DENR: variants seen among roughly 807,000 people sequenced by gnomAD.
DENR encodes density-regulated protein.
Under a neutral mutation model 30.6 loss-of-function variants are expected in DENR, and 6 were observed. The ratio of observed to expected loss-of-function variants is 0.20; its 90% confidence interval spans 0.11 to 0.39. DENR has a LOEUF of 0.39. Ranked by LOEUF, DENR falls within the 10% of genes least tolerant of loss-of-function variation. The pLI, the probability that DENR is intolerant of heterozygous loss-of-function variation, is 1.00. For synonymous variants in DENR, 78 were observed against 72.1 expected (o/e 1.08, Z -0.41); for missense variants, 141 against 230.9 (o/e 0.61, Z 2.52).
chr12:122,768,952 G>C, intron 7 of DENR, 31 bp downstream of exon 7: 1 of 1,603,394 alleles, frequency 6.2e-7, no homozygotes, highest in South Asian at 1.1e-5. Flanking sequence ...CATCGCTAGA[G>C]ATAAGTTTTT....
intron 4 of DENR, among the ~76,000 whole-genome samples, chr12:122,764,581 C>G (rs960392561): frequency 6.6e-6 from 1 of 152,164 alleles, no homozygotes; most frequent in Non-Finnish European, 1.5e-5. Context: ...GCCTGGATAA[C>G]AGAGGGAGAC....
At chr12:122,768,737 CA>C (rs1410001763) in intron 6 of DENR, 44 bp from the exon 7 acceptor site, 1 of 1,472,300 alleles carries the variant, frequency 6.8e-7, no homozygotes, top group East Asian at 2.5e-5. Context: ...CATCTTTGCA[CA>C]ATTCCAATTA....
intron 2 of DENR, among the ~76,000 whole-genome samples, chr12:122,756,954 AAAAT>A (rs1422060050): frequency 3.3e-5 from 5 of 152,304 alleles, no homozygotes; most frequent in Admixed American, 1.3e-4. Flanking sequence ...GAGAGGTTGA[AAAAT>A]AAATTATGGT....
rs546297359 is a variant in DENR at position 122,754,569 on chromosome 12, G to T, written c.106+762G>T. ...AGTGATGTTTTAGGTGCTGGGGCCTGAGTAGTGAATAAGTCAGAAGATCCT... is the reference window on the plus strand; with the variant it reads ...AGTGATGTTTTAGGTGCTGGGGCCTTAGTAGTGAATAAGTCAGAAGATCCT... On this transcript the variant is annotated intron_variant, in intron 2 of 7. Transcript: ENST00000280557. Among the ~76,000 whole-genome samples, 4 of 152,310 alleles carry T rather than the reference G, an allele frequency of 2.6e-5. No homozygotes were observed. In the East Asian group the frequency reaches 7.7e-4, roughly 29 times the overall value.
chr12:122,760,955 A>T (rs1378307361), intron 2 of DENR, among the ~76,000 whole-genome samples: 1 of 152,026 alleles, frequency 6.6e-6, no homozygotes, highest in Non-Finnish European at 1.5e-5. Context: ...CTCTACAAAA[A>T]TAAAAAACTT....
In DENR at chr12:122,770,871, C is replaced by G. The variant is rs770229659; in HGVS notation, c.*1793C>G. 11 of 395,910 alleles carry G rather than the reference C, an allele frequency of 2.8e-5. No individual in the cohort carries two copies. The highest frequency in any genetic ancestry group is 4.4e-5 in the Admixed American group (1 of 22,570). 24.5% of individuals were successfully genotyped at this position (395,910 alleles called of 1,614,324 possible). On this transcript the variant is annotated 3_prime_UTR_variant, in exon 8 of 8. Coordinates refer to ENST00000280557, the MANE Select transcript of DENR (RefSeq NM_003677.5). ...TTACTGGTGAAGCAGATTTATCCAT[C>G]GAGACTATCTGGTATGCGTTATGTA...
intron 3 of DENR, among the ~76,000 whole-genome samples, 159 bp downstream of exon 3, chr12:122,762,365 T>A (rs968040986): frequency 2.6e-5 from 4 of 152,182 alleles, no homozygotes; most frequent in African/African-American, 9.6e-5. Flanking sequence ...TTTTTGGTCT[T>A]ATATATTCTT....
intron 2 of DENR, chr12:122,754,122 G>A (rs993572519): frequency 2.9e-6 from 1 of 350,242 alleles, no homozygotes; most frequent in African/African-American, 2.1e-5. Flanking sequence ...AAGATTATGA[G>A]TTAAGGATGG....
At chr12:122,753,917 TTGTACTGGGGGAGAGG>T (rs771012466) in intron 2 of DENR, 110 bp downstream of exon 2, 96 of 931,944 alleles carry the variant, frequency 1.0e-4, no homozygotes, top group Non-Finnish European at 1.5e-4. Flanking sequence ...TTTGGTGAGT[TTGTACTGGGGGAGAGG>T]AGTCCTGGGG....
intron 4 of DENR, among the ~76,000 whole-genome samples, chr12:122,763,570 G>A (rs1483010775): frequency 4.0e-5 from 6 of 151,810 alleles, no homozygotes; most frequent in Non-Finnish European, 8.8e-5. Context: ...GCGTGGTGGC[G>A]CATGCCTGTA....
At chr12:122,765,481 A>G (rs1878823350) in intron 5 of DENR, 94 bp downstream of exon 5, 4 of 1,134,384 alleles carry the variant, frequency 3.5e-6, no homozygotes, top group South Asian at 2.9e-5. Flanking sequence ...GCTAGGCACA[A>G]TGGTGGGCGC....
intron 5 of DENR, among the ~76,000 whole-genome samples, chr12:122,766,016 T>C (rs1387162953): frequency 6.6e-6 from 1 of 151,846 alleles, no homozygotes; most frequent in African/African-American, 2.4e-5. Context: ...ATGACTAAAA[T>C]TCACTTATAA....
At chr12:122,765,115 C>T (rs564338341) in intron 4 of DENR, among the ~76,000 whole-genome samples, 189 bp from the exon 5 acceptor site, 2 of 152,324 alleles carry the variant, frequency 1.3e-5, no homozygotes, top group South Asian at 2.1e-4. Context: ...TGTTACCATA[C>T]ACTTACTATA....
intron 2 of DENR, 40 bp from the exon 3 acceptor site, chr12:122,762,147 G>C (rs1403944518): frequency 1.5e-6 from 2 of 1,346,886 alleles, no homozygotes; most frequent in African/African-American, 3.0e-5. Flanking sequence ...TGTACATATA[G>C]GTTTAACATT....
In DENR at chr12:122,765,406, T is replaced by A; in HGVS notation, c.295+19T>A. ...AAGAGAGGTAAGACCTAAATTCACA[T>A]CTTGATTTGTACAGTCATACCGTCA... is the stretch of plus-strand genomic sequence containing the variant. On this transcript the variant is annotated intron_variant, in intron 5 of 7. Coordinates refer to ENST00000280557, the MANE Select transcript of DENR (RefSeq NM_003677.5). 6.5e-7 allele frequency: 1 copy of A among 1,536,700 alleles called. No individual in the cohort carries two copies. The highest frequency in any genetic ancestry group is 8.8e-7 in the Non-Finnish European group (1 of 1,133,928).
At chr12:122,753,893 C>A in intron 2 of DENR, 86 bp downstream of exon 2, 1 of 1,115,694 alleles carries the variant, frequency 9.0e-7, no homozygotes, top group Non-Finnish European at 1.3e-6. Flanking sequence ...AAGCTTTCTT[C>A]CCCATCCTTT....
rs1555252642 is a variant in DENR, at chr12:122,769,259, C to CACACACACATATATGTATACATAT, written c.*182_*183insCACACACATATATGTATACATATA. 36 of 648,138 alleles carry CACACACACATATATGTATACATAT rather than the reference C, an allele frequency of 5.6e-5. No homozygotes were observed. The African/African-American group carries it at 1.1e-3, about 19-fold the overall frequency. 40.1% of individuals were successfully genotyped at this position (648,138 alleles called of 1,614,324 possible). ...GTATGTATACATGTATATATATATA[C>CACACACACATATATGTATACATAT]ATACACATATATGTATACATATATA... On this transcript the variant is annotated 3_prime_UTR_variant, in exon 8 of 8. Coordinates refer to ENST00000280557, the MANE Select transcript of DENR (RefSeq NM_003677.5).
rs965398583 is a variant in DENR at position 122,770,930 on chromosome 12, C to G, written c.*1852C>G. 2.6e-6 allele frequency: 1 copy of G among 391,186 alleles called. No individual in the cohort carries two copies. Among genetic ancestry groups the G allele is most frequent in the African/African-American group, 2.1e-5 (1 of 48,300 alleles). 24.2% of individuals were successfully genotyped at this position (391,186 alleles called of 1,614,324 possible). On this transcript the variant is annotated 3_prime_UTR_variant, in exon 8 of 8. Transcript: ENST00000280557. ...GTTGCTGCTGAAAGATGTCTGTGTG[C>G]CTGTATCAACATGTGACTTCATGTA...
At chr12:122,765,661 C>T (rs933702870) in intron 5 of DENR, among the ~76,000 whole-genome samples, 1 of 152,042 alleles carries the variant, frequency 6.6e-6, no homozygotes, top group African/African-American at 2.4e-5. Flanking sequence ...ACATTAATAC[C>T]ATGTACCTGT....
Sources: gnomAD v4.1 joint callset for allele counts (sites outside exome capture counted in the v4.1 genomes callset) on GRCh38, gnomAD v4.1.1 for gene constraint, MANE v1.5 for transcripts, NCBI Gene and HGNC (gene_info 2026-07-23, HGNC 2026-07-21) for gene names.